Variants in LMF1 observed in about 807,000 individuals in gnomAD.
LMF1 encodes the protein lipase maturation factor 1, also known as transmembrane protein 112.
In LMF1, 68 loss-of-function variants were observed where a neutral mutation model predicts 60.6. The observed-to-expected ratio is 1.12, with a 90% CI of 0.92 to 1.37. The LOEUF (loss-of-function observed/expected upper bound fraction) is 1.37. Among genes scored for constraint, LMF1 ranks in the 40% most tolerant of loss-of-function variants. The pLI, the probability that LMF1 is intolerant of heterozygous loss-of-function variation, is 0.00. For missense variants in LMF1, 948 were observed against 767.2 expected, an observed-to-expected ratio of 1.24 and a Z score of -2.78; for synonymous variants, 418 against 324.7, an observed-to-expected ratio of 1.29 and a Z score of -3.09.
intron 1 of LMF1, among the ~76,000 whole-genome samples, chr16:977,946 G>A (rs1457748218): frequency 2.9e-4 from 20 of 68,704 alleles, no homozygotes; most frequent in African/African-American, 4.5e-4. Flanking sequence ...TCATACACAC[G>A]CACACACACC....
chr16:919,242 A>G (rs2071363659), intron 3 of LMF1, among the ~76,000 whole-genome samples: 3 of 152,012 alleles, frequency 2.0e-5, no homozygotes, highest in African/African-American at 7.2e-5. Flanking sequence ...CCCCACGTGG[A>G]GGGTGGTGTG....
chr16:926,357 C>T (rs1417570196), intron 3 of LMF1, among the ~76,000 whole-genome samples: 5 of 152,200 alleles, frequency 3.3e-5, no homozygotes, highest in South Asian at 4.1e-4. Context: ...CATGTGTGCA[C>T]GTGCTTGCAT....
At chr16:957,741 G>A (rs2072736423) in intron 1 of LMF1, among the ~76,000 whole-genome samples, 1 of 152,204 alleles carries the variant, frequency 6.6e-6, no homozygotes, top group South Asian at 2.1e-4. Flanking sequence ...AAGAGCCGCA[G>A]AACTCAATGG....
At chr16:896,701 C>A (rs114665683) in intron 4 of LMF1, among the ~76,000 whole-genome samples, 7 of 152,274 alleles carry the variant, frequency 4.6e-5, no homozygotes, top group East Asian at 3.9e-4. Context: ...CTGCTCCCCC[C>A]GCATGAGCAC....
intron 6 of LMF1, chr16:873,595 G>A (rs1005641172): frequency 2.6e-5 from 1 of 38,824 alleles, no homozygotes; most frequent in Non-Finnish European, 6.1e-5. Context: ...GCGCTCACAG[G>A]GACCCTCCGC....
chr16:955,836 A>G (rs67918525), intron 1 of LMF1, among the ~76,000 whole-genome samples: 73,634 of 149,276 alleles, frequency 0.49, 20,277 homozygotes, highest in African/African-American at 0.75. Flanking sequence ...GGTCAACGGC[A>G]TCACTCCCAG....
upstream of LMF1, among the ~76,000 whole-genome samples, chr16:974,944 G>A (rs2073106919): frequency 6.6e-6 from 1 of 152,244 alleles, no homozygotes; most frequent in African/African-American, 2.4e-5. Flanking sequence ...ACCCGTGGAT[G>A]CTAACATCTG....
chr16:940,165 G>A lies in LMF1; in HGVS notation c.504-5911C>T, dbSNP rs578239307. On this transcript the variant is annotated intron_variant, in intron 2 of 10. Coordinates refer to ENST00000262301, the MANE Select transcript of LMF1 (RefSeq NM_022773.4). ...CCTTCCCGCAGAGACTCGGAGGGAA[G>A]GGAAGGTCCCTCCTCCCATAGAGAC... Among the ~76,000 whole-genome samples, 3 of 152,304 alleles carry A rather than the reference G, an allele frequency of 2.0e-5. No individual in the cohort carries two copies. In the South Asian group the frequency reaches 6.2e-4, roughly 32 times the overall value.
At chr16:901,876 GC>G (rs1265490581) in intron 4 of LMF1, 1 of 152,440 alleles carries the variant, frequency 6.6e-6, no homozygotes, top group Admixed American at 6.5e-5. Context: ...GCCCCAGGAA[GC>G]CATGACCCGC....
chr16:976,772 G>C, intron 1 of LMF1: 1 of 454,144 alleles, frequency 2.2e-6, no homozygotes, highest in South Asian at 1.6e-5. Flanking sequence ...TGATCTGGGC[G>C]TGCACCTGTC....
intron 2 of LMF1, among the ~76,000 whole-genome samples, chr16:948,748 G>A (rs1419504080): frequency 7.5e-6 from 1 of 133,938 alleles, no homozygotes; most frequent in Admixed American, 7.8e-5. Flanking sequence ...AGAGACGACA[G>A]AGTCAGAGCC....
chr16:974,619 C>T (rs548255726), upstream of LMF1, among the ~76,000 whole-genome samples: 5 of 152,218 alleles, frequency 3.3e-5, no homozygotes, highest in Non-Finnish European at 7.3e-5. Flanking sequence ...TAGGTGGGAC[C>T]CTGTCCCCGC....
At chr16:906,164 G>T (rs916633966) in intron 4 of LMF1, among the ~76,000 whole-genome samples, 1 of 152,172 alleles carries the variant, frequency 6.6e-6, no homozygotes, top group African/African-American at 2.4e-5. Context: ...GCTTGTCCAG[G>T]AATCATTTGA....
upstream of LMF1, among the ~76,000 whole-genome samples, chr16:972,616 C>T (rs948564686): frequency 1.3e-5 from 2 of 152,200 alleles, no homozygotes; most frequent in Non-Finnish European, 2.9e-5. Context: ...GGACGGACGG[C>T]GAGAGGGACT....
At chr16:861,496 T>C (rs546013509) in intron 10 of LMF1, among the ~76,000 whole-genome samples, 1 of 152,034 alleles carries the variant, frequency 6.6e-6, no homozygotes, top group East Asian at 1.9e-4. Context: ...TAGCTGGGAT[T>C]ACAGGCATGC....
chr16:976,595 C>G, intron 1 of LMF1: 1 of 454,118 alleles, frequency 2.2e-6, no homozygotes, highest in Non-Finnish European at 4.4e-6. Flanking sequence ...GGACCCTCTG[C>G]CCATTATCAG....
At chr16:973,992 A>G (rs1337953642), upstream of LMF1, among the ~76,000 whole-genome samples, 2 of 150,408 alleles carry the variant, frequency 1.3e-5, no homozygotes. Flanking sequence ...CCTGGGCGAC[A>G]GAGCGAGACT....
At chr16:955,835 C>T (rs1416625487) in intron 1 of LMF1, among the ~76,000 whole-genome samples, 1 of 152,244 alleles carries the variant, frequency 6.6e-6, no homozygotes, top group African/African-American at 2.4e-5. Flanking sequence ...TGGTCAACGG[C>T]ATCACTCCCA....
intron 2 of LMF1, among the ~76,000 whole-genome samples, chr16:951,326 C>T (rs1057170391): frequency 2.0e-5 from 3 of 151,736 alleles, no homozygotes; most frequent in Admixed American, 6.6e-5. Context: ...TCAGAGACAA[C>T]GACAAAGTCA....
Sources: allele counts gnomAD v4.1 joint callset (sites outside exome capture counted in the v4.1 genomes callset), GRCh38; gene constraint gnomAD v4.1.1; transcripts MANE v1.5; gene names NCBI Gene and HGNC (gene_info 2026-07-23, HGNC 2026-07-21).